The following GEMIN8 variants were observed in gnomAD, a reference collection of about 807,000 sequenced individuals.
GEMIN8 encodes the protein gem-associated protein 8.
For synonymous variants in GEMIN8, 80 were observed against 78.5 expected, an observed-to-expected ratio of 1.02 and a Z score of -0.10; for missense variants, 185 against 205.9, an observed-to-expected ratio of 0.90 and a Z score of 0.62.
downstream of GEMIN8, among the ~76,000 whole-genome samples, chrX:14,003,746 T>C (rs766858624): frequency 6.2e-5 from 7 of 112,492 alleles, no homozygotes; most frequent in African/African-American, 9.7e-5. Flanking sequence ...ACAGGTTTTG[T>C]ACCTGTAATA....
chrX:13,984,519 T>C, the GEMIN8 span, among the ~76,000 whole-genome samples: 3 of 112,139 alleles, frequency 2.7e-5, no homozygotes, highest in Non-Finnish European at 5.6e-5. Flanking sequence ...TGCTTTCACA[T>C]TGCAATGCTA....
the GEMIN8 span, among the ~76,000 whole-genome samples, chrX:13,997,889 A>T: frequency 1.2e-5 from 1 of 83,150 alleles, no homozygotes; most frequent in Non-Finnish European, 2.3e-5. Context: ...ACAGAACAAG[A>T]CTCTGTCTCA....
At chrX:14,026,876 T>G (rs1435341975) in intron 1 of GEMIN8, 1 of 112,456 alleles carries the variant, frequency 8.9e-6, no homozygotes, top group Non-Finnish European at 1.9e-5. Context: ...AGAAACACAT[T>G]AAAAGCCAAT....
At position 14,007,139 on chromosome X, in the gene GEMIN8, G is replaced by C. The variant is rs1923205416; in HGVS notation, c.*1774C>G. On this transcript the variant is annotated 3_prime_UTR_variant, in exon 5 of 5. Coordinates refer to ENST00000680255, the MANE Select transcript of GEMIN8 (RefSeq NM_001042479.2). ...GGAAAGTTAATTATCATTTTTGTCGGCAACACCTACACACAAATTGTGACT... is the reference window on the plus strand; with the variant it reads ...GGAAAGTTAATTATCATTTTTGTCGCCAACACCTACACACAAATTGTGACT... Among the ~76,000 whole-genome samples, 1 of 111,989 alleles carries C rather than the reference G, an allele frequency of 8.9e-6. No individual in the cohort carries two copies. The highest frequency in any genetic ancestry group is 3.2e-5 in the African/African-American group (1 of 30,793).
the GEMIN8 span, among the ~76,000 whole-genome samples, chrX:13,992,716 C>T: frequency 2.7e-5 from 3 of 111,417 alleles, no homozygotes; most frequent in Admixed American, 2.9e-4. Context: ...TAGAAGGAAC[C>T]GATGACAGAA....
chrX:13,991,574 T>C, the GEMIN8 span, among the ~76,000 whole-genome samples: 1 of 111,709 alleles, frequency 9.0e-6, no homozygotes, highest in South Asian at 3.8e-4. Flanking sequence ...CTCAATGGGT[T>C]TGATGCGTGG....
Position 14,006,969 on chromosome X carries a change from T to A in GEMIN8, c.*1944A>T, listed in dbSNP as rs1923199303. On this transcript the variant is annotated 3_prime_UTR_variant, in exon 5 of 5. Transcript: ENST00000680255. Reference sequence around the variant, plus strand: ...CTTTGCGAAGAGAAACATTTCACTTTCAAATGCCTCAGCACCTGCTGCAAT... The same window carrying A: ...CTTTGCGAAGAGAAACATTTCACTTACAAATGCCTCAGCACCTGCTGCAAT... Among the ~76,000 whole-genome samples the A allele has an allele frequency of 8.9e-6, 1 of 112,125 alleles. No homozygotes were observed. Among genetic ancestry groups the A allele is most frequent in the African/African-American group, 3.2e-5 (1 of 30,802 alleles).
Position 14,015,283 on chromosome X carries a change from T to C in GEMIN8, c.472+4795A>G, listed in dbSNP as rs192360428. 7.1e-5 allele frequency among the ~76,000 whole-genome samples: 8 copies of C among 112,484 alleles called. No individual in the cohort carries two copies. The Admixed American group carries it at 7.5e-4, about 11-fold the overall frequency. On this transcript the variant is annotated intron_variant, in intron 4 of 4. Coordinates refer to ENST00000680255, the MANE Select transcript of GEMIN8 (RefSeq NM_001042479.2). ...CACTTATGACTACAAAATGGTATTT[T>C]TCTTAACCTAATAATAAACATTTTT...
At chrX:14,002,684 A>T (rs1380982167), downstream of GEMIN8, among the ~76,000 whole-genome samples, 1 of 110,777 alleles carries the variant, frequency 9.0e-6, no homozygotes, top group Non-Finnish European at 1.9e-5. Context: ...TTGTATTATT[A>T]GTACAGACAG....
intron 4 of GEMIN8, among the ~76,000 whole-genome samples, chrX:14,012,005 G>A (rs982775566): frequency 1.5e-4 from 17 of 111,595 alleles, no homozygotes; most frequent in African/African-American, 5.2e-4. Context: ...GTGTGCCCAT[G>A]GGTTACCATC....
chrX:14,012,246 T>A (rs944604365), intron 4 of GEMIN8, among the ~76,000 whole-genome samples: 2 of 108,296 alleles, frequency 1.8e-5, no homozygotes, highest in Admixed American at 9.9e-5. Flanking sequence ...GTTTCCTGAG[T>A]AGCTGGGACT....
chrX:13,989,806 T>G, the GEMIN8 span, among the ~76,000 whole-genome samples: 1 of 112,684 alleles, frequency 8.9e-6, no homozygotes, highest in African/African-American at 3.2e-5. Flanking sequence ...GTAATAGATT[T>G]AGAGGAGTAC....
intron 1 of GEMIN8, among the ~76,000 whole-genome samples, chrX:14,028,943 C>T: frequency 8.9e-6 from 1 of 112,098 alleles, no homozygotes; most frequent in South Asian, 3.7e-4. Flanking sequence ...AGAAGTGTTG[C>T]GTTACTAATC....
the GEMIN8 span, among the ~76,000 whole-genome samples, chrX:13,990,694 T>C: frequency 8.9e-6 from 1 of 112,685 alleles, no homozygotes; most frequent in South Asian, 3.7e-4. Context: ...ATTTTTTCCA[T>C]TTATCCAAAT....
the GEMIN8 span, chrX:13,988,561 C>A: frequency 9.3e-6 from 1 of 107,490 alleles, no homozygotes; most frequent in African/African-American, 3.4e-5. Context: ...AGGGCAGAAG[C>A]TTGCCCTTGT....
rs555346964 is a variant in GEMIN8 at position 14,028,530 on chromosome X, T to C, written c.-116+1247A>G. Among the ~76,000 whole-genome samples the C allele has an allele frequency of 3.2e-4, 36 of 112,155 alleles. No homozygotes were observed. The South Asian group carries it at 9.9e-3, about 31-fold the overall frequency. On this transcript the variant is annotated intron_variant, in intron 1 of 4. Transcript: ENST00000680255. ...TGTAGAGAAGTTGTTCAAAAAAAGT[T>C]CTGTACCTACTTTGCAAACTCTCCA...
At chrX:14,013,763 T>C (rs1311328726) in intron 4 of GEMIN8, 1 of 119,968 alleles carries the variant, frequency 8.3e-6, no homozygotes, top group Non-Finnish European at 1.6e-5. Context: ...ACCGCTTGAT[T>C]TGAGAACTGT....
At chrX:14,028,619 TA>T (rs63492360) in intron 1 of GEMIN8, among the ~76,000 whole-genome samples, 2 of 108,214 alleles carry the variant, frequency 1.8e-5, no homozygotes, top group South Asian at 4.0e-4. Flanking sequence ...CCCTATCCTT[TA>T]AAAAAAAACC....
chrX:14,013,543 G>A (rs908101638), intron 4 of GEMIN8, among the ~76,000 whole-genome samples: 3 of 111,813 alleles, frequency 2.7e-5, no homozygotes, highest in African/African-American at 6.5e-5. Flanking sequence ...AAAGGATCAA[G>A]ATGAGATCAT....
Sources: allele counts gnomAD v4.1 joint callset (sites outside exome capture counted in the v4.1 genomes callset), GRCh38; gene constraint gnomAD v4.1.1; transcripts MANE v1.5; gene names NCBI Gene and HGNC (gene_info 2026-07-23, HGNC 2026-07-21).